The following MLLT3 variants were observed in gnomAD, a reference collection of about 807,000 sequenced individuals.
The protein encoded by MLLT3 is protein AF-9.
In MLLT3, 4 loss-of-function variants were observed where a neutral mutation model predicts 53.2. That is an observed-to-expected ratio of 0.08 (90% CI 0.04 to 0.17). The LOEUF (loss-of-function observed/expected upper bound fraction) is 0.17, where lower values mean the gene tolerates loss of function less well. Ranked by LOEUF, MLLT3 falls within the 10% of genes least tolerant of loss-of-function variation. The pLI is 1.00. For missense variants in MLLT3, 569 were observed against 684.0 expected (o/e 0.83, Z 1.87); for synonymous variants, 283 against 230.6 (o/e 1.23, Z -2.06).
At chr9:20,398,533 T>C (rs1034638187) in intron 5 of MLLT3, among the ~76,000 whole-genome samples, 3 of 152,132 alleles carry the variant, frequency 2.0e-5, no homozygotes, top group Admixed American at 6.6e-5. Flanking sequence ...AAGTCCCTTT[T>C]ACACGGTATA....
intron 4 of MLLT3, among the ~76,000 whole-genome samples, chr9:20,438,745 A>T (rs1823469190): frequency 6.6e-6 from 1 of 152,156 alleles, no homozygotes. Flanking sequence ...GCCCAAAGAC[A>T]CAATGGTCAC....
At chr9:20,374,453 A>T (rs1821700306) in intron 5 of MLLT3, among the ~76,000 whole-genome samples, 1 of 152,258 alleles carries the variant, frequency 6.6e-6, no homozygotes, top group Non-Finnish European at 1.5e-5. Flanking sequence ...AGTGAAATCT[A>T]TGTTACCAAT....
intron 2 of MLLT3, among the ~76,000 whole-genome samples, chr9:20,596,916 C>G (rs1485745097): frequency 6.6e-6 from 1 of 152,100 alleles, no homozygotes; most frequent in African/African-American, 2.4e-5. Context: ...TCTCCCAATC[C>G]ATGAACATGG....
intron 2 of MLLT3, among the ~76,000 whole-genome samples, chr9:20,483,612 C>T (rs537806184): frequency 2.0e-5 from 3 of 151,288 alleles, no homozygotes; most frequent in Non-Finnish European, 4.4e-5. Context: ...ACTGTTAATA[C>T]CATATTTTAA....
At chr9:20,426,151 T>C (rs1823134843) in intron 4 of MLLT3, among the ~76,000 whole-genome samples, 1 of 152,136 alleles carries the variant, frequency 6.6e-6, no homozygotes, top group South Asian at 2.1e-4. Context: ...TAAATCATAG[T>C]TAAGTACTAC....
intron 2 of MLLT3, among the ~76,000 whole-genome samples, chr9:20,485,787 A>G (rs1824795823): frequency 7.3e-6 from 1 of 136,496 alleles, no homozygotes; most frequent in Non-Finnish European, 1.6e-5. Context: ...GTGATTTAAT[A>G]CATAAAGACT....
intron 10 of MLLT3, among the ~76,000 whole-genome samples, chr9:20,348,586 T>C (rs866128067): frequency 6.6e-6 from 1 of 152,228 alleles, no homozygotes; most frequent in African/African-American, 2.4e-5. Context: ...CCTCCAGGCT[T>C]ACTGTTATAG....
chr9:20,397,204 G>T (rs1328340019), intron 5 of MLLT3, among the ~76,000 whole-genome samples: 1 of 152,096 alleles, frequency 6.6e-6, no homozygotes, highest in Non-Finnish European at 1.5e-5. Flanking sequence ...TTATTTGAAA[G>T]CATATTTTTT....
chr9:20,420,066 G>A (rs1822968993), intron 4 of MLLT3, among the ~76,000 whole-genome samples: 1 of 151,448 alleles, frequency 6.6e-6, no homozygotes. Context: ...ATGTTAAAGT[G>A]GAATAAAAAT....
intron 4 of MLLT3, among the ~76,000 whole-genome samples, chr9:20,434,441 C>G (rs1359505299): frequency 6.6e-6 from 1 of 151,948 alleles, no homozygotes; most frequent in Non-Finnish European, 1.5e-5. Flanking sequence ...TTGGGGAAGC[C>G]CCACATCTCA....
intron 2 of MLLT3, among the ~76,000 whole-genome samples, chr9:20,489,393 G>C (rs1563783391): frequency 6.6e-6 from 1 of 152,014 alleles, no homozygotes; most frequent in Admixed American, 6.6e-5. Flanking sequence ...TCTCTTTCTT[G>C]GCAGGTCTCT....
intron 2 of MLLT3, among the ~76,000 whole-genome samples, chr9:20,527,000 T>C (rs746997299): frequency 6.6e-6 from 1 of 152,206 alleles, no homozygotes; most frequent in Non-Finnish European, 1.5e-5. Flanking sequence ...TCTGAATTGA[T>C]TTGGCAAAAT....
intron 2 of MLLT3, among the ~76,000 whole-genome samples, chr9:20,574,798 CAA>C (rs917614389): frequency 7.2e-5 from 11 of 152,298 alleles, no homozygotes; most frequent in Admixed American, 1.3e-4. Context: ...CTTCCTTTCA[CAA>C]AAGATTTCTC....
intron 2 of MLLT3, among the ~76,000 whole-genome samples, chr9:20,547,123 T>C (rs1478024753): frequency 6.6e-6 from 1 of 152,206 alleles, no homozygotes; most frequent in African/African-American, 2.4e-5. Context: ...CATAATATTT[T>C]ATTTAATATA....
chr9:20,562,784 G>A (rs978316084), intron 2 of MLLT3, among the ~76,000 whole-genome samples: 1 of 152,104 alleles, frequency 6.6e-6, no homozygotes, highest in Non-Finnish European at 1.5e-5. Flanking sequence ...TTTCTGCCTG[G>A]TAAGACCAGA....
At chr9:20,530,416 A>G (rs962157060) in intron 2 of MLLT3, among the ~76,000 whole-genome samples, 7 of 152,226 alleles carry the variant, frequency 4.6e-5, no homozygotes, top group African/African-American at 1.7e-4. Flanking sequence ...ATGTATGGCC[A>G]GTGGAAAAAC....
intron 2 of MLLT3, among the ~76,000 whole-genome samples, chr9:20,580,479 G>C (rs1310862288): frequency 6.6e-6 from 1 of 152,018 alleles, no homozygotes; most frequent in Non-Finnish European, 1.5e-5. Context: ...CCATTGGAGA[G>C]CCAAGACTCT....
chr9:20,478,503 CTG>C (rs1824581925), intron 2 of MLLT3, among the ~76,000 whole-genome samples: 1 of 152,098 alleles, frequency 6.6e-6, no homozygotes, highest in Non-Finnish European at 1.5e-5. Context: ...GAGTGAGACA[CTG>C]TGCCCCGTCA....
chr9:20,407,898 T>G (rs1289684868), intron 5 of MLLT3, among the ~76,000 whole-genome samples: 1 of 152,206 alleles, frequency 6.6e-6, no homozygotes, highest in Non-Finnish European at 1.5e-5. Flanking sequence ...CTCTGTGGTA[T>G]GGTAATGCTA....
Sources: allele counts gnomAD v4.1 joint callset (sites outside exome capture counted in the v4.1 genomes callset), GRCh38; gene constraint gnomAD v4.1.1; transcripts MANE v1.5; gene names NCBI Gene and HGNC (gene_info 2026-07-23, HGNC 2026-07-21).